The following BTG4 variants were observed in gnomAD, a reference collection of about 807,000 sequenced individuals.
BTG4 encodes the protein protein BTG4.
Under a neutral mutation model 19.3 loss-of-function variants are expected in BTG4, and 10 were observed. The observed-to-expected ratio is 0.52, with a 90% CI of 0.32 to 0.88. BTG4 has a LOEUF of 0.88. Ranked by LOEUF, BTG4 falls within the 40% of genes least tolerant of loss-of-function variation. The probability of loss-of-function intolerance (pLI) is 0.04; values close to 1 mark genes in which losing one functional copy is unlikely to be tolerated. For missense variants in BTG4, 238 were observed against 281.9 expected (o/e 0.84, Z 1.11); for synonymous variants, 91 against 95.7 (o/e 0.95, Z 0.29).
chr11:111,402,682 G>A, the BTG4 span, among the ~76,000 whole-genome samples: 269 of 152,228 alleles, frequency 1.8e-3, 1 homozygote, highest in African/African-American at 5.9e-3. Flanking sequence ...TAGGAAGAGT[G>A]GGGGTGCTAC....
downstream of BTG4, among the ~76,000 whole-genome samples, chr11:111,493,403 A>G (rs1335183555): frequency 6.6e-6 from 1 of 152,228 alleles, no homozygotes; most frequent in Non-Finnish European, 1.5e-5. Context: ...GAAGGTAGGG[A>G]GGCAGAGAAA....
the BTG4 span, chr11:111,416,928 T>C: frequency 6.6e-6 from 1 of 152,136 alleles, no homozygotes; most frequent in Non-Finnish European, 1.5e-5. Flanking sequence ...GGGCCTGCGG[T>C]GAATTTTCTT....
intron 1 of BTG4, among the ~76,000 whole-genome samples, chr11:111,507,462 T>C (rs1866538672): frequency 6.6e-6 from 1 of 152,162 alleles, no homozygotes. Flanking sequence ...AGAAAGTTCA[T>C]CTGTTTAGTT....
chr11:111,507,856 G>C (rs1306900228), intron 1 of BTG4: 1 of 152,140 alleles, frequency 6.6e-6, no homozygotes, highest in Admixed American at 6.5e-5. Context: ...TGATAGCAGG[G>C]ACTGGTAGGT....
the BTG4 span, among the ~76,000 whole-genome samples, chr11:111,393,768 C>G: frequency 6.6e-6 from 1 of 152,166 alleles, no homozygotes; most frequent in Non-Finnish European, 1.5e-5. Flanking sequence ...ACTCTGGGAG[C>G]TCCACTACCC....
At chr11:111,434,694 A>T in the BTG4 span, among the ~76,000 whole-genome samples, 104,142 of 151,166 alleles carry the variant, frequency 0.69, 36,343 homozygotes, top group Admixed American at 0.77. Flanking sequence ...TAAATAGTAT[A>T]ATAATTGTTT....
intron 1 of BTG4, among the ~76,000 whole-genome samples, chr11:111,508,207 A>C (rs1866600262): frequency 1.3e-5 from 2 of 152,182 alleles, no homozygotes; most frequent in Non-Finnish European, 2.9e-5. Context: ...TATTTTCTAC[A>C]TCACCTCGTA....
the BTG4 span, among the ~76,000 whole-genome samples, chr11:111,421,936 G>A: frequency 2.0e-5 from 3 of 151,860 alleles, no homozygotes; most frequent in Non-Finnish European, 4.4e-5. Context: ...CAGAAGGCAT[G>A]GCAGGTCACA....
At chr11:111,396,297 G>A in the BTG4 span, among the ~76,000 whole-genome samples, 8 of 152,312 alleles carry the variant, frequency 5.3e-5, no homozygotes, top group Middle Eastern at 6.8e-3. Context: ...ACAAGTCACC[G>A]TGATTTCCAG....
At chr11:111,452,332 C>A in the BTG4 span, 2 of 152,216 alleles carry the variant, frequency 1.3e-5, no homozygotes, top group Non-Finnish European at 2.9e-5. Context: ...TGTTGGCCGG[C>A]GTGGGTCCCA....
chr11:111,513,052 C>T (rs1340267688), upstream of BTG4: 1 of 457,398 alleles, frequency 2.2e-6, no homozygotes, highest in East Asian at 7.2e-5. Context: ...GGGAAGAAGA[C>T]GCCGGCTCGG....
chr11:111,455,398 C>G, the BTG4 span: 1 of 246,018 alleles, frequency 4.1e-6, no homozygotes, highest in Non-Finnish European at 8.4e-6. Flanking sequence ...GCTGAGGCAG[C>G]TGCCTGGGCT....
chr11:111,502,992 C>T (rs1466792006), intron 1 of BTG4, among the ~76,000 whole-genome samples: 3 of 152,130 alleles, frequency 2.0e-5, no homozygotes, highest in African/African-American at 7.2e-5. Flanking sequence ...ACAACTACAC[C>T]TTCTGTTTTA....
intron 5 of BTG4, among the ~76,000 whole-genome samples, chr11:111,480,648 A>G (rs901110180): frequency 1.3e-4 from 19 of 151,948 alleles, no homozygotes; most frequent in African/African-American, 4.6e-4. Context: ...ATAAATAACA[A>G]AAACCGGTAA....
rs376386504 is a variant in BTG4 at position 111,505,393 on chromosome 11, A to T, written c.-26-6591T>A. ...TGGGAAATAGACACCCTATTCAATA[A>T]ATGATGCTGGAAAAACTGGCTAGCC... On this transcript the variant is annotated intron_variant, in intron 1 of 4. Coordinates refer to ENST00000692032, the MANE Select transcript of BTG4 (RefSeq NM_001367975.1). 6.4e-4 allele frequency among the ~76,000 whole-genome samples: 98 copies of T among 152,240 alleles called. 2 individuals carry two copies. The South Asian group carries it at 0.02, about 31-fold the overall frequency.
In BTG4 at chr11:111,512,223, G is replaced by C. The variant is rs80073960; in HGVS notation, c.-69C>G. 1.3e-5 allele frequency: 2 copies of C among 152,204 alleles called. No homozygotes were observed. Among genetic ancestry groups the C allele is most frequent in the Admixed American group, 6.5e-5 (1 of 15,282 alleles). The allele number at this position is 152,204 out of a possible 1,614,324, so 9.4% of individuals were successfully genotyped here. A position where few individuals can be genotyped will look rare whatever the true frequency, so the allele number is the denominator to read the frequency against. ...CAGGGCGGAATGGTCACGGAAACTGGGTAGGCTGGGGGCCTTCTTGGGGAA... is the reference window on the plus strand; with the variant it reads ...CAGGGCGGAATGGTCACGGAAACTGCGTAGGCTGGGGGCCTTCTTGGGGAA... On this transcript the variant is annotated 5_prime_UTR_variant, in exon 1 of 5. Transcript: ENST00000692032.
At chr11:111,455,443 C>T in the BTG4 span, 1 of 234,924 alleles carries the variant, frequency 4.3e-6, no homozygotes, top group South Asian at 5.8e-5. Flanking sequence ...AGGCACCTGG[C>T]AGGCGAGTAC....
At chr11:111,477,086 G>T (rs911349394) in intron 5 of BTG4, among the ~76,000 whole-genome samples, 5 of 152,260 alleles carry the variant, frequency 3.3e-5, no homozygotes, top group African/African-American at 1.2e-4. Flanking sequence ...ATTCTTGGCT[G>T]ATCAAGGCAT....
intron 5 of BTG4, among the ~76,000 whole-genome samples, chr11:111,476,213 G>C (rs993232997): frequency 2.6e-5 from 4 of 151,548 alleles, no homozygotes; most frequent in African/African-American, 9.7e-5. Flanking sequence ...ATAGACGATA[G>C]ACTACTAAAG....
Sources: gnomAD v4.1 joint callset for allele counts (sites outside exome capture counted in the v4.1 genomes callset) on GRCh38, gnomAD v4.1.1 for gene constraint, MANE v1.5 for transcripts, NCBI Gene and HGNC (gene_info 2026-07-23, HGNC 2026-07-21) for gene names.